FBXO9: variants seen among roughly 807,000 people sequenced by gnomAD.
FBXO9 encodes F-box protein 9.
Under a neutral mutation model 63.7 loss-of-function variants are expected in FBXO9, and 43 were observed. That is an observed-to-expected ratio of 0.67 (90% CI 0.53 to 0.87). FBXO9 has a LOEUF of 0.87. Among genes scored for constraint, FBXO9 ranks in the 40% least tolerant of loss-of-function variants. The pLI, the probability that FBXO9 is intolerant of heterozygous loss-of-function variation, is 0.00. For synonymous variants in FBXO9, 156 were observed against 171.7 expected, an observed-to-expected ratio of 0.91 and a Z score of 0.72; for missense variants, 442 against 533.2, an observed-to-expected ratio of 0.83 and a Z score of 1.68.
At position 53,081,067 on chromosome 6, in the gene FBXO9, T is replaced by C; in HGVS notation, c.507T>C (p.Pro169=). 6.2e-7 allele frequency: 1 copy of C among 1,612,678 alleles called. No homozygotes were observed. Among genetic ancestry groups the C allele is most frequent in the Non-Finnish European group, 8.5e-7 (1 of 1,179,808 alleles). ...AGTCTGTGCTTAAACTGTGTCAGCC[T>C]GAGCTTGAGAGCAGTCAGATTCACA... ...FQESVLKLCQ[P]ELESSQIHIS... is the part of the protein sequence containing the mutation. Residue 169 remains proline (P), a synonymous_variant, in exon 6 of 13, where the codon CCT becomes CCC. Coordinates refer to ENST00000323557, the MANE Select transcript of FBXO9 (RefSeq NM_033480.3).
chr6:53,076,589 T>TAACA, intron 4 of FBXO9, 46 bp downstream of exon 4: 1 of 1,346,330 alleles, frequency 7.4e-7, no homozygotes, highest in Non-Finnish European at 9.9e-7. Context: ...TTCTGAATAA[T>TAACA]GACTCTGTTA....
Position 53,075,737 on chromosome 6 carries a change from A to ATTT in FBXO9, c.250-728_250-726dup, listed in dbSNP as rs1203980167. On this transcript the variant is annotated intron_variant, in intron 3 of 12. Transcript: ENST00000323557. ...TTGGATTACATATATATATATAATT[A>ATTT]TTTTTTTTTTTTTTTTTTTTTTTGA... Among the ~76,000 whole-genome samples, 53 of 102,886 alleles carry ATTT rather than the reference A, an allele frequency of 5.2e-4. 1 individual carries two copies. The highest frequency in any genetic ancestry group is 9.1e-4 in the African/African-American group (24 of 26,406). 67.5% of individuals were successfully genotyped at this position (102,886 alleles called of 152,430 possible).
At chr6:53,084,225 A>C (rs1769401319) in intron 7 of FBXO9, among the ~76,000 whole-genome samples, 1 of 152,242 alleles carries the variant, frequency 6.6e-6, no homozygotes, top group South Asian at 2.1e-4. Context: ...ACCAGTGACC[A>C]CAGGGAATTA....
At chr6:53,089,749 A>G (rs1762995200) in intron 7 of FBXO9, among the ~76,000 whole-genome samples, 1 of 152,180 alleles carries the variant, frequency 6.6e-6, no homozygotes, top group South Asian at 2.1e-4. Flanking sequence ...CCAGATCCCA[A>G]ATGATATCAA....
chr6:53,069,721 A>G (rs1768841115), intron 1 of FBXO9, among the ~76,000 whole-genome samples: 1 of 152,228 alleles, frequency 6.6e-6, no homozygotes, highest in Admixed American at 6.5e-5. Flanking sequence ...AAGACTTGAG[A>G]CATATCAAGC....
intron 11 of FBXO9, among the ~76,000 whole-genome samples, chr6:53,094,288 C>T (rs62412985): frequency 1.3e-5 from 2 of 151,994 alleles, no homozygotes; most frequent in Non-Finnish European, 2.9e-5. Flanking sequence ...CTGCTCATGT[C>T]GAATCACAGG....
In FBXO9 at chr6:53,098,662, G is replaced by A. The variant is rs1763280933; in HGVS notation, c.*832G>A. Reference sequence around the variant, plus strand: ...ATGTAGCCACAAACACTGACCTCATGTAGGCACCTTACCAATATATGACAT... The same window carrying A: ...ATGTAGCCACAAACACTGACCTCATATAGGCACCTTACCAATATATGACAT... On this transcript the variant is annotated 3_prime_UTR_variant, in exon 13 of 13. Coordinates refer to ENST00000323557, the MANE Select transcript of FBXO9 (RefSeq NM_033480.3). 6.6e-6 allele frequency: 1 copy of A among 152,184 alleles called. No homozygotes were observed. The highest frequency in any genetic ancestry group is 1.9e-4 in the East Asian group (1 of 5,190). 9.4% of individuals were successfully genotyped at this position (152,184 alleles called of 1,614,324 possible).
chr6:53,065,707 C>G lies in FBXO9; in HGVS notation c.-83C>G. ...GCAGAGACAGGCAGGAGTAGACACC[C>G]GGACACCCAGCACCCCTCCTCCGGG... On this transcript the variant is annotated 5_prime_UTR_variant, in exon 1 of 13. Transcript: ENST00000323557. 7.1e-7 allele frequency: 1 copy of G among 1,414,522 alleles called. No individual in the cohort carries two copies. 87.6% of individuals were successfully genotyped at this position (1,414,522 alleles called of 1,614,324 possible).
chr6:53,092,408 C>T (rs765765832), intron 7 of FBXO9, 21 bp from the exon 8 acceptor site: 6 of 1,551,082 alleles, frequency 3.9e-6, no homozygotes, highest in Non-Finnish European at 5.3e-6. Context: ...TTTTTATTGA[C>T]ATTGTGCTTT....
chr6:53,093,128 T>TA, intron 9 of FBXO9: 1 of 383,750 alleles, frequency 2.6e-6, no homozygotes, highest in Non-Finnish European at 4.6e-6. Flanking sequence ...TAGAAAAAAA[T>TA]AGACATGTTA....
chr6:53,077,667 C>T (rs918737043), intron 4 of FBXO9, among the ~76,000 whole-genome samples: 1 of 152,040 alleles, frequency 6.6e-6, no homozygotes, highest in Admixed American at 6.5e-5. Flanking sequence ...GTGCTTGAAT[C>T]GTTTGAAAAT....
intron 12 of FBXO9, among the ~76,000 whole-genome samples, chr6:53,097,089 T>C (rs1763232212): frequency 6.6e-6 from 1 of 152,166 alleles, no homozygotes; most frequent in Non-Finnish European, 1.5e-5. Flanking sequence ...ATAAAATCAC[T>C]TGAATTCTCT....
chr6:53,090,752 C>T (rs1398947424), intron 7 of FBXO9: 1 of 152,182 alleles, frequency 6.6e-6, no homozygotes. Context: ...ACCATCATGG[C>T]TCACTGCAGC....
intron 1 of FBXO9, among the ~76,000 whole-genome samples, chr6:53,068,513 C>G (rs1768789796): frequency 6.6e-6 from 1 of 152,004 alleles, no homozygotes; most frequent in Non-Finnish European, 1.5e-5. Flanking sequence ...TTTACAAAAG[C>G]ATTTACTATT....
At chr6:53,094,599 T>C (rs1562075591) in intron 11 of FBXO9, 1 of 200,148 alleles carries the variant, frequency 5.0e-6, no homozygotes, top group Non-Finnish European at 1.1e-5. Flanking sequence ...GGAATAAATA[T>C]TAATATTTAC....
intron 8 of FBXO9, 91 bp from the exon 9 acceptor site, chr6:53,092,643 C>A: frequency 1.4e-6 from 2 of 1,383,150 alleles, no homozygotes; most frequent in Non-Finnish European, 2.0e-6. Context: ...AATGTGAGTA[C>A]TGTAAGCATG....
chr6:53,093,653 T>C lies in FBXO9; in HGVS notation c.959+92T>C, dbSNP rs1022112244. ...GTAATCCAGTGCTTCTTTCACTTAA[T>C]ACTGGATGATTTTAAAAGCAATCAT... On this transcript the variant is annotated intron_variant, in intron 10 of 12. Transcript: ENST00000323557. The C allele has an allele frequency of 7.3e-5, 71 of 969,492 alleles. No homozygotes were observed. The Middle Eastern group carries it at 2.8e-3, about 38-fold the overall frequency. The allele number at this position is 969,492 out of a possible 1,614,324, so 60.1% of individuals were successfully genotyped here.
intron 12 of FBXO9, among the ~76,000 whole-genome samples, chr6:53,096,209 A>G (rs541718655): frequency 6.6e-6 from 1 of 152,212 alleles, no homozygotes; most frequent in Non-Finnish European, 1.5e-5. Flanking sequence ...GTACATCATA[A>G]TCAGTGAACT....
intron 5 of FBXO9, among the ~76,000 whole-genome samples, chr6:53,079,661 C>T (rs1251344390): frequency 6.6e-6 from 1 of 152,046 alleles, no homozygotes; most frequent in East Asian, 1.9e-4. Context: ...GGAGTCTGTA[C>T]CCATGAGAGA....
Sources: allele counts gnomAD v4.1 joint callset (sites outside exome capture counted in the v4.1 genomes callset), GRCh38; gene constraint gnomAD v4.1.1; transcripts MANE v1.5; gene names NCBI Gene and HGNC (gene_info 2026-07-23, HGNC 2026-07-21).